Variants in CEP128 observed in about 807,000 individuals in gnomAD.
CEP128 encodes centrosomal protein 128kDa.
A neutral mutation model predicts 156.7 loss-of-function variants in CEP128; 132 were observed. The observed-to-expected ratio is 0.84, with a 90% CI of 0.73 to 0.97. CEP128 has a LOEUF of 0.97. Among genes scored for constraint, CEP128 ranks in the 50% least tolerant of loss-of-function variants. The probability of loss-of-function intolerance (pLI) is 0.00; values close to 1 mark genes in which losing one functional copy is unlikely to be tolerated. For synonymous variants in CEP128, 469 were observed against 448.9 expected (o/e 1.04, Z -0.57); for missense variants, 1,252 against 1,281.9 (o/e 0.98, Z 0.36).
Position 80,806,034 on chromosome 14 carries a change from C to T in CEP128, c.1210-12924G>A, listed in dbSNP as rs543711911. Among the ~76,000 whole-genome samples, 5 of 152,262 alleles carry T rather than the reference C, an allele frequency of 3.3e-5. No individual in the cohort carries two copies. In the South Asian group the frequency reaches 1.0e-3, roughly 32 times the overall value. On this transcript the variant is annotated intron_variant, in intron 13 of 24. Coordinates refer to ENST00000555265, the MANE Select transcript of CEP128 (RefSeq NM_152446.5). ...AAAACATCAGGGGCCATGGTAATAA[C>T]CATATCCCATATATTATTCCTTTAA... is the stretch of plus-strand genomic sequence containing the variant.
rs892684828 is a variant in CEP128, at chr14:80,704,114, C to T, written c.2806+38961G>A. ...AATGAGAAAAACACACTAGAAATAA[C>T]ATCATTATCTGTTCCTTACCACACA... On this transcript the variant is annotated intron_variant, in intron 19 of 24. Transcript: ENST00000555265. Among the ~76,000 whole-genome samples, 7 of 152,042 alleles carry T rather than the reference C, an allele frequency of 4.6e-5. No homozygotes were observed. The East Asian group carries it at 1.2e-3, about 25-fold the overall frequency.
chr14:80,955,301 G>A, intron 2 of CEP128: 3 of 385,422 alleles, frequency 7.8e-6, no homozygotes, highest in South Asian at 7.6e-5. Flanking sequence ...GGAAAGGAGG[G>A]GGCATCTAAA....
At position 80,850,259 on chromosome 14, in the gene CEP128, G is replaced by T. The variant is rs140694446; in HGVS notation, c.763-9491C>A. On this transcript the variant is annotated intron_variant, in intron 9 of 24. Transcript: ENST00000555265. ...ATTTGTAATAACAGACAGTTAATTA[G>T]ATTTTTTTCATTTGTGAGGCTAGTG... 2.1e-3 allele frequency among the ~76,000 whole-genome samples: 315 copies of T among 152,236 alleles called. 1 individual carries two copies. Among genetic ancestry groups the T allele is most frequent in the African/African-American group, 7.3e-3 (302 of 41,562 alleles).
intron 19 of CEP128, among the ~76,000 whole-genome samples, chr14:80,616,470 G>A (rs1249115664): frequency 6.6e-6 from 1 of 152,152 alleles, no homozygotes; most frequent in Non-Finnish European, 1.5e-5. Context: ...TCTAATTCAG[G>A]TCTGACTTCA....
chr14:80,540,205 C>CCA (rs1555372599), intron 21 of CEP128, among the ~76,000 whole-genome samples: 1 of 150,634 alleles, frequency 6.6e-6, no homozygotes, highest in South Asian at 2.2e-4. Context: ...ACACCCCCCC[C>CCA]CCTTTTGAAA....
intron 19 of CEP128, among the ~76,000 whole-genome samples, chr14:80,621,849 T>C (rs75119635): frequency 0.012 from 1,786 of 152,318 alleles, 34 homozygotes; most frequent in African/African-American, 0.041. Context: ...TAGTGACTCA[T>C]ACCTTACCGT....
At position 80,861,827 on chromosome 14, in the gene CEP128, T is replaced by A. The variant is rs188356614; in HGVS notation, c.762+930A>T. ...TATACTGTAACTATAAAAGAAAACATACATATCAAATTATATAGATGAAAA... is the reference window on the plus strand; with the variant it reads ...TATACTGTAACTATAAAAGAAAACAAACATATCAAATTATATAGATGAAAA... On this transcript the variant is annotated intron_variant, in intron 9 of 24. Coordinates refer to ENST00000555265, the MANE Select transcript of CEP128 (RefSeq NM_152446.5). Among the ~76,000 whole-genome samples the A allele has an allele frequency of 7.0e-4, 106 of 152,318 alleles. No individual in the cohort carries two copies. The South Asian group carries it at 8.5e-3, about 12-fold the overall frequency.
chr14:80,663,590 T>C (rs1319948507), intron 19 of CEP128, among the ~76,000 whole-genome samples: 2 of 152,156 alleles, frequency 1.3e-5, no homozygotes, highest in African/African-American at 2.4e-5. Flanking sequence ...TAACAGAAAT[T>C]AGAAGAGGAA....
chr14:80,482,084 T>A (rs1887065246), intron 14 of CEP128, among the ~76,000 whole-genome samples: 1 of 152,198 alleles, frequency 6.6e-6, no homozygotes, highest in Non-Finnish European at 1.5e-5. Flanking sequence ...CCTTTTTTTA[T>A]GAAGACAGGA....
At chr14:80,711,953 T>C (rs1406512115) in intron 19 of CEP128, among the ~76,000 whole-genome samples, 2 of 152,180 alleles carry the variant, frequency 1.3e-5, no homozygotes, top group African/African-American at 4.8e-5. Flanking sequence ...TCACTCTTCA[T>C]TATCTTTTTC....
intron 20 of CEP128, among the ~76,000 whole-genome samples, chr14:80,561,938 G>A (rs903851937): frequency 7.4e-6 from 1 of 135,614 alleles, no homozygotes; most frequent in Non-Finnish European, 1.6e-5. Context: ...TTTTGTTTTT[G>A]TTTTTTTGGG....
At chr14:80,638,080 G>T (rs1032720837) in intron 19 of CEP128, among the ~76,000 whole-genome samples, 1 of 152,138 alleles carries the variant, frequency 6.6e-6, no homozygotes, top group Admixed American at 6.5e-5. Flanking sequence ...TTGATAATTT[G>T]TTACCACAGC....
At chr14:80,820,531 C>T (rs1885108389) in intron 13 of CEP128, among the ~76,000 whole-genome samples, 1 of 152,138 alleles carries the variant, frequency 6.6e-6, no homozygotes, top group Admixed American at 6.6e-5. Flanking sequence ...AAATCTTTAC[C>T]AGAGCTCTTC....
chr14:80,733,721 A>C (rs1053410322), intron 19 of CEP128, among the ~76,000 whole-genome samples: 1 of 152,174 alleles, frequency 6.6e-6, no homozygotes, highest in Non-Finnish European at 1.5e-5. Flanking sequence ...GTATTTTTAA[A>C]TATTTCCATT....
intron 19 of CEP128, among the ~76,000 whole-genome samples, chr14:80,625,459 G>A (rs1425266798): frequency 1.3e-5 from 2 of 152,086 alleles, no homozygotes; most frequent in Non-Finnish European, 2.9e-5. Context: ...GCCTCTATAT[G>A]AATTTCAGGA....
intron 19 of CEP128, among the ~76,000 whole-genome samples, chr14:80,726,662 G>A (rs1464666286): frequency 6.6e-6 from 1 of 152,168 alleles, no homozygotes; most frequent in East Asian, 1.9e-4. Context: ...ACAAGTGCTT[G>A]AATCAGCACC....
At chr14:80,734,945 A>G (rs1198457328) in intron 19 of CEP128, among the ~76,000 whole-genome samples, 1 of 152,070 alleles carries the variant, frequency 6.6e-6, no homozygotes, top group Non-Finnish European at 1.5e-5. Flanking sequence ...TTAGTTTTCA[A>G]AATAAGTTTG....
At chr14:80,952,299 T>A (rs1886483046) in intron 2 of CEP128, among the ~76,000 whole-genome samples, 1 of 152,092 alleles carries the variant, frequency 6.6e-6, no homozygotes, top group African/African-American at 2.4e-5. Context: ...AGTGTTCAAG[T>A]TATACAAACT....
chr14:80,749,533 C>T (rs1037986366), intron 18 of CEP128, among the ~76,000 whole-genome samples: 2 of 152,160 alleles, frequency 1.3e-5, no homozygotes, highest in African/African-American at 2.4e-5. Flanking sequence ...AAAAGGAAGA[C>T]GAACTTCACA....
Sources: allele counts gnomAD v4.1 joint callset (sites outside exome capture counted in the v4.1 genomes callset), GRCh38; gene constraint gnomAD v4.1.1; transcripts MANE v1.5; gene names NCBI Gene and HGNC (gene_info 2026-07-23, HGNC 2026-07-21).